PACRG: variants seen among roughly 807,000 people sequenced by gnomAD.
PACRG encodes parkin coregulated, also known as parkin coregulated gene protein.
Under a neutral mutation model 29.7 loss-of-function variants are expected in PACRG, and 29 were observed. That is an observed-to-expected ratio of 0.98 (90% confidence interval 0.73 to 1.33). PACRG has a LOEUF of 1.33. PACRG is among the 40% of genes most tolerant of loss of function. The pLI is 0.00. For missense variants in PACRG, 279 were observed against 316.2 expected (o/e 0.88, Z 0.89); for synonymous variants, 116 against 118.7 (o/e 0.98, Z 0.15).
At chr6:162,736,443 G>A (rs569740055) in intron 1 of PACRG, among the ~76,000 whole-genome samples, 18 of 152,218 alleles carry the variant, frequency 1.2e-4, no homozygotes, top group Middle Eastern at 3.4e-3. Flanking sequence ...GAGCAAGATA[G>A]CTGCGTTTTT....
chr6:162,790,590 C>T (rs561353390), intron 1 of PACRG, among the ~76,000 whole-genome samples: 1 of 152,230 alleles, frequency 6.6e-6, no homozygotes, highest in Non-Finnish European at 1.5e-5. Flanking sequence ...ATCAATATTT[C>T]TAGGTCATTA....
At chr6:163,099,796 CTT>C (rs1239348125) in intron 4 of PACRG, among the ~76,000 whole-genome samples, 4 of 152,142 alleles carry the variant, frequency 2.6e-5, no homozygotes, top group Non-Finnish European at 5.9e-5. Flanking sequence ...ATGGAGGAGC[CTT>C]TCCGTGCCAC....
intron 2 of PACRG, among the ~76,000 whole-genome samples, chr6:163,059,445 A>G (rs775418350): frequency 2.0e-5 from 3 of 152,250 alleles, no homozygotes; most frequent in South Asian, 4.1e-4. Context: ...CAGGATAGAA[A>G]AGATGTGATA....
intron 4 of PACRG, among the ~76,000 whole-genome samples, chr6:163,256,935 C>G (rs555622283): frequency 1.3e-5 from 2 of 152,192 alleles, no homozygotes; most frequent in East Asian, 3.9e-4. Context: ...CAGGGGGAAC[C>G]CTGGATCCTG....
chr6:163,040,361 G>A (rs796854397), intron 2 of PACRG, among the ~76,000 whole-genome samples: 7 of 152,376 alleles, frequency 4.6e-5, no homozygotes, highest in African/African-American at 1.7e-4. Flanking sequence ...CCCTCATGGA[G>A]AATTTCTGCT....
At chr6:162,818,592 A>G (rs968140135) in intron 2 of PACRG, among the ~76,000 whole-genome samples, 4 of 152,186 alleles carry the variant, frequency 2.6e-5, no homozygotes, top group Admixed American at 6.5e-5. Flanking sequence ...TACCTGAGGC[A>G]CTGTTAATTT....
intron 4 of PACRG, chr6:163,179,193 C>A (rs742956): frequency 0.38 from 173,775 of 455,514 alleles, 36,057 homozygotes; most frequent in Non-Finnish European, 0.47. Context: ...CGCTGCTCCT[C>A]ACATGTGCGT....
chr6:163,061,238 A>G (rs1316981891), intron 2 of PACRG, among the ~76,000 whole-genome samples: 2 of 152,124 alleles, frequency 1.3e-5, no homozygotes, highest in East Asian at 3.9e-4. Context: ...GCTCATTTCC[A>G]TGTACACTCT....
intron 1 of PACRG, among the ~76,000 whole-genome samples, chr6:162,787,654 T>C (rs1310480275): frequency 7.0e-6 from 1 of 143,210 alleles, no homozygotes. Context: ...GGCAGACATA[T>C]GTCTGAAGCT....
At chr6:163,092,810 A>T (rs1048306075) in intron 4 of PACRG, among the ~76,000 whole-genome samples, 1 of 152,232 alleles carries the variant, frequency 6.6e-6, no homozygotes, top group Non-Finnish European at 1.5e-5. Flanking sequence ...ATCCAATATT[A>T]TATACATACA....
intron 2 of PACRG, among the ~76,000 whole-genome samples, chr6:162,974,209 G>A (rs1024059584): frequency 2.2e-4 from 34 of 152,278 alleles, no homozygotes; most frequent in Non-Finnish European, 4.6e-4. Flanking sequence ...ATGGAGGGCG[G>A]CTGCCACCAT....
At chr6:162,787,580 G>GTATATATATA (rs746185048) in intron 1 of PACRG, among the ~76,000 whole-genome samples, 4 of 69,174 alleles carry the variant, frequency 5.8e-5, no homozygotes, top group African/African-American at 1.8e-4. Flanking sequence ...GTGTGTGTGT[G>GTATATATATA]TGTATATATA....
At chr6:162,874,776 G>GCACACACTTATTCCCACATCA (rs1256342895) in intron 2 of PACRG, among the ~76,000 whole-genome samples, 2 of 150,676 alleles carry the variant, frequency 1.3e-5, no homozygotes, top group East Asian at 3.9e-4. Context: ...TCACACACTC[G>GCACACACTTATTCCCACATCA]CACACACTTA....
intron 4 of PACRG, among the ~76,000 whole-genome samples, chr6:163,303,830 G>A (rs1785093662): frequency 6.6e-6 from 1 of 151,664 alleles, no homozygotes; most frequent in Admixed American, 6.6e-5. Context: ...CCAACATGGT[G>A]AAACCCCATC....
intron 4 of PACRG, among the ~76,000 whole-genome samples, chr6:163,111,818 G>A (rs1815729714): frequency 6.6e-6 from 1 of 152,148 alleles, no homozygotes; most frequent in South Asian, 2.1e-4. Flanking sequence ...GGACGTGCTT[G>A]CAAGCTTGGG....
chr6:163,241,872 G>C (rs1782522266), intron 4 of PACRG, among the ~76,000 whole-genome samples: 1 of 152,154 alleles, frequency 6.6e-6, no homozygotes, highest in African/African-American at 2.4e-5. Context: ...CTAATGCCAA[G>C]TCCAGCCCCC....
At chr6:162,827,090 T>G (rs1788348242) in intron 2 of PACRG, among the ~76,000 whole-genome samples, 1 of 152,190 alleles carries the variant, frequency 6.6e-6, no homozygotes, top group Non-Finnish European at 1.5e-5. Context: ...TTAAGTAATT[T>G]ATATATGCAC....
rs375672318 is a variant in PACRG at position 162,859,433 on chromosome 6, A to G, written c.291+45152A>G. Among the ~76,000 whole-genome samples the G allele has an allele frequency of 3.3e-5, 5 of 152,344 alleles. 1 individual carries two copies. The highest frequency in any genetic ancestry group is 1.2e-4 in the African/African-American group (5 of 41,590). On this transcript the variant is annotated intron_variant, in intron 2 of 4. Coordinates refer to ENST00000366888, the MANE Select transcript of PACRG (RefSeq NM_001080379.2). The stretch of plus-strand genomic sequence containing the variant: ...TTTTCCTAATTGAATTAGCAGGGCT[A>G]GAAATTCAACTCAGCACACGTTTAA...
At chr6:162,995,640 T>G (rs1803957626) in intron 2 of PACRG, among the ~76,000 whole-genome samples, 1 of 152,236 alleles carries the variant, frequency 6.6e-6, no homozygotes, top group Non-Finnish European at 1.5e-5. Flanking sequence ...GCCCACTGTC[T>G]GGCACTCCCT....
Sources: allele counts gnomAD v4.1 joint callset (sites outside exome capture counted in the v4.1 genomes callset), GRCh38; gene constraint gnomAD v4.1.1; transcripts MANE v1.5; gene names NCBI Gene and HGNC (gene_info 2026-07-23, HGNC 2026-07-21).